SAP130: variants seen among roughly 807,000 people sequenced by gnomAD.
The protein encoded by SAP130 is Sin3A associated protein 130, also known as histone deacetylase complex subunit SAP130.
In SAP130, 16 loss-of-function variants were observed where a neutral mutation model predicts 103.2. That is an observed-to-expected ratio of 0.16 (90% CI 0.10 to 0.24). The LOEUF is 0.24. Among genes scored for constraint, SAP130 ranks in the 10% least tolerant of loss-of-function variants. The pLI is 1.00. For synonymous variants in SAP130, 477 were observed against 497.0 expected, an observed-to-expected ratio of 0.96 and a Z score of 0.53; for missense variants, 990 against 1,359.7, an observed-to-expected ratio of 0.73 and a Z score of 4.28.
chr2:127,989,993 A>T lies in SAP130; in HGVS notation c.1478-127T>A, dbSNP rs1682677519. The stretch of plus-strand genomic sequence containing the variant: ...ATCTAAATCCATGGTTTGAAAAAAA[A>T]TAAATAAATAAACATTGTTACTTGA... On this transcript the variant is annotated intron_variant, in intron 12 of 20. Transcript: ENST00000643581. This position sits in a 1 kb window ranked among gnomAD's most constrained non-coding sequence, Gnocchi z 4.6. 7 of 820,198 alleles carry T rather than the reference A, an allele frequency of 8.5e-6. No individual in the cohort carries two copies. Among genetic ancestry groups the T allele is most frequent in the Non-Finnish European group, 1.3e-5 (7 of 541,070 alleles). The allele number at this position is 820,198 out of a possible 1,614,324, so 50.8% of individuals were successfully genotyped here. A position where few individuals can be genotyped will look rare whatever the true frequency, so the allele number is the denominator to read the frequency against.
chr2:127,988,675 C>T (rs1047836682), intron 13 of SAP130, among the ~76,000 whole-genome samples: 4 of 152,024 alleles, frequency 2.6e-5, no homozygotes, highest in Non-Finnish European at 5.9e-5. Context: ...CATGGCAAAA[C>T]TCTGTCTCTA....
intron 12 of SAP130, among the ~76,000 whole-genome samples, chr2:127,992,602 A>C (rs1682890139): frequency 6.6e-6 from 1 of 152,140 alleles, no homozygotes; most frequent in Admixed American, 6.6e-5. Flanking sequence ...AGGCTTTCTG[A>C]TGCCCAGAGT....
At chr2:127,962,584 T>C (rs1246147844) in intron 15 of SAP130, among the ~76,000 whole-genome samples, 1 of 152,086 alleles carries the variant, frequency 6.6e-6, no homozygotes, top group African/African-American at 2.4e-5. Context: ...TGTAGGGACA[T>C]GGATGAAACT....
At chr2:127,969,558 C>T (rs541675075) in intron 15 of SAP130, among the ~76,000 whole-genome samples, 15 of 152,322 alleles carry the variant, frequency 9.8e-5, no homozygotes, top group African/African-American at 3.4e-4. Flanking sequence ...CAAATCATCA[C>T]AAACTGTGTG....
rs1679607616 is a variant in SAP130 at position 127,953,185 on chromosome 2, TC to T, written c.2422+1800del. On this transcript the variant is annotated intron_variant, in intron 16 of 20. Transcript: ENST00000643581. The surrounding 1 kb of genome is among the most constrained non-coding windows in gnomAD (Gnocchi z 4.0). Reference sequence around the variant, plus strand: ...TTCAGCCAATGGCAACTCTATGGCTTCCAGTTGCTAAGGCCAAAAATCTTGG... The same window carrying T: ...TTCAGCCAATGGCAACTCTATGGCTTCAGTTGCTAAGGCCAAAAATCTTGG... Among the ~76,000 whole-genome samples, 1 of 152,182 alleles carries T rather than the reference TC, an allele frequency of 6.6e-6. No individual in the cohort carries two copies. The highest frequency in any genetic ancestry group is 2.4e-5 in the African/African-American group (1 of 41,430).
intron 10 of SAP130, among the ~76,000 whole-genome samples, chr2:127,997,302 TGCCTGG>T (rs997219731): frequency 6.6e-6 from 1 of 152,226 alleles, no homozygotes; most frequent in African/African-American, 2.4e-5. Flanking sequence ...ATTAACAGTA[TGCCTGG>T]GAATTCAGAA....
At chr2:127,969,542 C>T (rs1474242007) in intron 15 of SAP130, among the ~76,000 whole-genome samples, 3 of 152,158 alleles carry the variant, frequency 2.0e-5, no homozygotes, top group African/African-American at 7.2e-5. Flanking sequence ...GCTAGAGCTA[C>T]CACAACAAAT....
intron 6 of SAP130, among the ~76,000 whole-genome samples, chr2:128,010,952 A>G (rs556661587): frequency 4.3e-5 from 3 of 69,956 alleles, no homozygotes; most frequent in African/African-American, 2.0e-4. Flanking sequence ...AAGTGTTTTG[A>G]AAAAAAAAAA....
chr2:127,957,561 C>T (rs949140421), intron 15 of SAP130, among the ~76,000 whole-genome samples: 4 of 151,702 alleles, frequency 2.6e-5, no homozygotes, highest in Non-Finnish European at 4.4e-5. Context: ...GTGGTCCTAG[C>T]GACTCTGGAG....
At chr2:127,976,504 A>C (rs1391828969) in intron 15 of SAP130, among the ~76,000 whole-genome samples, 1 of 152,176 alleles carries the variant, frequency 6.6e-6, no homozygotes, top group Non-Finnish European at 1.5e-5. Context: ...TTTTTTTCTC[A>C]AATGCGGTTT....
intron 15 of SAP130, among the ~76,000 whole-genome samples, chr2:127,972,631 G>A (rs188816111): frequency 4.5e-4 from 68 of 152,242 alleles, no homozygotes; most frequent in Admixed American, 7.8e-4. Context: ...GATGGTGGGT[G>A]CCTTTAATCC....
At chr2:127,968,230 T>G (rs1472492607) in intron 15 of SAP130, among the ~76,000 whole-genome samples, 1 of 150,596 alleles carries the variant, frequency 6.6e-6, no homozygotes, top group Non-Finnish European at 1.5e-5. Flanking sequence ...TGCCACAGCC[T>G]CCGGAGTAGC....
chr2:127,941,646 A>G lies in SAP130; in HGVS notation c.*360T>C. ...GAGTGGATACTTTCAGTCCAGGCTC[A>G]GTATGGGGCCTGCAGGAATCCACTA... On this transcript the variant is annotated 3_prime_UTR_variant, in exon 21 of 21. Transcript: ENST00000643581. The G allele has an allele frequency of 4.4e-6, 1 of 227,476 alleles. No individual in the cohort carries two copies. The highest frequency in any genetic ancestry group is 8.5e-6 in the Non-Finnish European group (1 of 118,090). 14.1% of individuals were successfully genotyped at this position (227,476 alleles called of 1,614,324 possible). A position where few individuals can be genotyped will look rare whatever the true frequency, so the allele number is the denominator to read the frequency against.
At chr2:127,978,116 A>G in intron 14 of SAP130, 27 bp from the exon 15 acceptor site, 2 of 1,516,936 alleles carry the variant, frequency 1.3e-6, no homozygotes, top group Non-Finnish European at 1.8e-6. Flanking sequence ...ACAAACCCGG[A>G]GAACAGCAGT....
chr2:128,016,580 T>C lies in SAP130; in HGVS notation c.349-33A>G, dbSNP rs377380333. 9 of 1,591,504 alleles carry C rather than the reference T, an allele frequency of 5.7e-6. No homozygotes were observed. The South Asian group carries it at 8.0e-5, about 14-fold the overall frequency. ...CAGAAAACCACACAAAACATATCAATGGCCTCATACTGGTGATGCATTTCA... is the reference window on the plus strand; with the variant it reads ...CAGAAAACCACACAAAACATATCAACGGCCTCATACTGGTGATGCATTTCA... On this transcript the variant is annotated intron_variant, in intron 3 of 20. Transcript: ENST00000643581.
chr2:128,018,896 G>A (rs1282740522), intron 2 of SAP130, among the ~76,000 whole-genome samples: 1 of 152,022 alleles, frequency 6.6e-6, no homozygotes, highest in Non-Finnish European at 1.5e-5. Context: ...AGGAGTTCCA[G>A]GCCAGCCTGA....
chr2:128,000,255 T>G, intron 8 of SAP130, 52 bp downstream of exon 8: 1 of 1,612,346 alleles, frequency 6.2e-7, no homozygotes, highest in Non-Finnish European at 8.5e-7. Context: ...TTTTGCCCAC[T>G]TTTGGTTTTA....
intron 12 of SAP130, among the ~76,000 whole-genome samples, chr2:127,992,817 G>A (rs1057102709): frequency 3.2e-4 from 48 of 152,230 alleles, no homozygotes; most frequent in African/African-American, 1.1e-3. Flanking sequence ...GGAACCTAAA[G>A]TAAAAGTTAT....
In SAP130 at chr2:127,965,162, T is replaced by G. The variant is rs533575095; in HGVS notation, c.2064-9818A>C. On this transcript the variant is annotated intron_variant, in intron 15 of 20. Transcript: ENST00000643581. ...ATACAAATAAATTAGCTGGGCATGG[T>G]GGTGTGCACCTGTAGTCCCAGCTAC... Among the ~76,000 whole-genome samples, 5 of 152,058 alleles carry G rather than the reference T, an allele frequency of 3.3e-5. No individual in the cohort carries two copies. In the South Asian group the frequency reaches 1.0e-3, roughly 32 times the overall value.
Sources: allele counts gnomAD v4.1 joint callset (sites outside exome capture counted in the v4.1 genomes callset), GRCh38; gene constraint gnomAD v4.1.1; non-coding constraint Gnocchi (gnomAD v3.1); transcripts MANE v1.5; gene names NCBI Gene and HGNC (gene_info 2026-07-23, HGNC 2026-07-21).